The following CYP2C19 variants were observed in gnomAD, a reference collection of about 807,000 sequenced individuals.
CYP2C19 encodes cytochrome P450 2C19.
Under a neutral mutation model 40.9 loss-of-function variants are expected in CYP2C19, and 59 were observed. The ratio of observed to expected loss-of-function variants is 1.44; its 90% CI spans 1.17 to 1.79. The LOEUF (loss-of-function observed/expected upper bound fraction) is 1.79. Among genes scored for constraint, CYP2C19 ranks in the 40% most tolerant of loss-of-function variants. The probability of loss-of-function intolerance (pLI) is 0.00; values close to 1 mark genes in which losing one functional copy is unlikely to be tolerated. For missense variants in CYP2C19, 754 were observed against 596.9 expected (o/e 1.26, Z -2.74); for synonymous variants, 253 against 208.7 (o/e 1.21, Z -1.83).
At chr10:94,822,840 C>T (rs921255968) in intron 6 of CYP2C19, among the ~76,000 whole-genome samples, 5 of 151,998 alleles carry the variant, frequency 3.3e-5, no homozygotes, top group Non-Finnish European at 7.4e-5. Context: ...TGATGTTGAA[C>T]ATTTTTTCAT....
At chr10:94,826,114 T>C (rs1444651811) in intron 6 of CYP2C19, among the ~76,000 whole-genome samples, 1 of 152,100 alleles carries the variant, frequency 6.6e-6, no homozygotes, top group African/African-American at 2.4e-5. Flanking sequence ...TTTGTTCTTT[T>C]GGCTTAGGAA....
intron 5 of CYP2C19, among the ~76,000 whole-genome samples, chr10:94,804,298 T>C (rs1848804363): frequency 6.6e-6 from 1 of 152,168 alleles, no homozygotes; most frequent in African/African-American, 2.4e-5. Flanking sequence ...GTCTGTAATG[T>C]GGGAGGGCCC....
At chr10:94,791,641 A>T (rs997109770) in intron 5 of CYP2C19, among the ~76,000 whole-genome samples, 1 of 152,152 alleles carries the variant, frequency 6.6e-6, no homozygotes, top group Non-Finnish European at 1.5e-5. Context: ...GTCATTCAGG[A>T]GCAGGTTGTT....
intron 6 of CYP2C19, among the ~76,000 whole-genome samples, chr10:94,837,676 G>A (rs570058847): frequency 1.3e-5 from 2 of 152,264 alleles, no homozygotes; most frequent in South Asian, 2.1e-4. Flanking sequence ...TCCGAGACAG[G>A]AGAGTAAGAC....
At chr10:94,786,243 T>C (rs2134243015) in intron 5 of CYP2C19, among the ~76,000 whole-genome samples, 1 of 152,266 alleles carries the variant, frequency 6.6e-6, no homozygotes, top group Middle Eastern at 3.4e-3. Context: ...GCATATGAAT[T>C]GGACAATCAA....
intron 5 of CYP2C19, among the ~76,000 whole-genome samples, chr10:94,790,838 G>A (rs1306902406): frequency 6.6e-6 from 1 of 151,810 alleles, no homozygotes; most frequent in Non-Finnish European, 1.5e-5. Context: ...CTCTTTTTTT[G>A]TGTGTCTCTG....
At chr10:94,845,134 T>C (rs547486051) in intron 7 of CYP2C19, among the ~76,000 whole-genome samples, 75 of 152,282 alleles carry the variant, frequency 4.9e-4, no homozygotes, top group Non-Finnish European at 9.0e-4. Flanking sequence ...TGCTACAGGC[T>C]GGATCCACTT....
intron 1 of CYP2C19, among the ~76,000 whole-genome samples, chr10:94,763,369 A>T (rs1402286181): frequency 6.6e-6 from 1 of 152,166 alleles, no homozygotes; most frequent in Non-Finnish European, 1.5e-5. Flanking sequence ...GAAGTTATAG[A>T]CTTCAATTAT....
intron 5 of CYP2C19, among the ~76,000 whole-genome samples, chr10:94,815,876 G>A (rs1415929494): frequency 1.3e-5 from 2 of 152,144 alleles, no homozygotes; most frequent in Non-Finnish European, 2.9e-5. Context: ...TTGAGTCCAT[G>A]TACCTTTCTG....
At chr10:94,790,306 C>T (rs1161177736) in intron 5 of CYP2C19, among the ~76,000 whole-genome samples, 1 of 152,126 alleles carries the variant, frequency 6.6e-6, no homozygotes, top group Non-Finnish European at 1.5e-5. Flanking sequence ...AACAATTTGA[C>T]TTCCTCTTTT....
At chr10:94,824,657 T>G (rs927056820) in intron 6 of CYP2C19, among the ~76,000 whole-genome samples, 3 of 152,280 alleles carry the variant, frequency 2.0e-5, no homozygotes, top group Admixed American at 2.0e-4. Context: ...TTTCAAACAT[T>G]TCATTTTTTT....
At chr10:94,834,472 T>C (rs1303516165) in intron 6 of CYP2C19, among the ~76,000 whole-genome samples, 2 of 152,086 alleles carry the variant, frequency 1.3e-5, no homozygotes. Context: ...TTTTGTTTTG[T>C]TTTCTTCATT....
At chr10:94,798,678 T>C (rs929929665) in intron 5 of CYP2C19, among the ~76,000 whole-genome samples, 2 of 152,120 alleles carry the variant, frequency 1.3e-5, no homozygotes, top group African/African-American at 2.4e-5. Flanking sequence ...TGCTCCTGTA[T>C]TGGGTGCATA....
intron 5 of CYP2C19, among the ~76,000 whole-genome samples, chr10:94,792,016 C>T (rs1848611302): frequency 6.6e-6 from 1 of 152,068 alleles, no homozygotes; most frequent in Non-Finnish European, 1.5e-5. Flanking sequence ...TTGTAGGTCT[C>T]TAAGGACCTG....
intron 5 of CYP2C19, among the ~76,000 whole-genome samples, chr10:94,802,101 G>T (rs1848774604): frequency 6.6e-6 from 1 of 152,014 alleles, no homozygotes; most frequent in Non-Finnish European, 1.5e-5. Flanking sequence ...AGTGCTGATT[G>T]GTCCATTTTA....
chr10:94,781,507 A>T (rs958357742), intron 4 of CYP2C19, among the ~76,000 whole-genome samples: 3 of 152,166 alleles, frequency 2.0e-5, no homozygotes, highest in Non-Finnish European at 2.9e-5. Flanking sequence ...AATTCATACC[A>T]TCTTATATTT....
intron 6 of CYP2C19, among the ~76,000 whole-genome samples, chr10:94,822,473 G>A (rs1849139713): frequency 1.3e-5 from 2 of 152,144 alleles, no homozygotes; most frequent in Non-Finnish European, 2.9e-5. Flanking sequence ...ACAGTCTACT[G>A]TTGATGGGCA....
intron 5 of CYP2C19, among the ~76,000 whole-genome samples, chr10:94,813,172 T>A (rs1356797583): frequency 6.6e-6 from 1 of 152,128 alleles, no homozygotes; most frequent in African/African-American, 2.4e-5. Flanking sequence ...CTCCAAACCT[T>A]GTTTGACTGG....
intron 5 of CYP2C19, among the ~76,000 whole-genome samples, chr10:94,791,732 A>C (rs1417376419): frequency 6.6e-6 from 1 of 152,122 alleles, no homozygotes; most frequent in Non-Finnish European, 1.5e-5. Context: ...TCTGAGAGAC[A>C]GTTTGTTATA....
Sources: allele counts gnomAD v4.1 joint callset (sites outside exome capture counted in the v4.1 genomes callset), GRCh38; gene constraint gnomAD v4.1.1; transcripts MANE v1.5; gene names NCBI Gene and HGNC (gene_info 2026-07-23, HGNC 2026-07-21).